Variants in SPIC observed in about 807,000 individuals in gnomAD.
The protein encoded by SPIC is Spi-C transcription factor, also known as transcription factor Spi-C.
Under a neutral mutation model 16.7 loss-of-function variants are expected in SPIC, and 9 were observed. The ratio of observed to expected loss-of-function variants is 0.54; its 90% CI spans 0.33 to 0.94. The LOEUF (loss-of-function observed/expected upper bound fraction) is 0.94, where lower values mean the gene tolerates loss of function less well. Among genes scored for constraint, SPIC ranks in the 40% least tolerant of loss-of-function variants. The probability of loss-of-function intolerance (pLI) is 0.03; values close to 1 mark genes in which losing one functional copy is unlikely to be tolerated. For synonymous variants in SPIC, 97 were observed against 102.9 expected (o/e 0.94, Z 0.35); for missense variants, 241 against 285.8 (o/e 0.84, Z 1.13).
chr12:101,481,810 C>T (rs1190350267), intron 4 of SPIC, among the ~76,000 whole-genome samples: 5 of 150,810 alleles, frequency 3.3e-5, no homozygotes. Context: ...CACTGTGCAC[C>T]CAGCCAATTT....
At chr12:101,477,710 A>G in intron 3 of SPIC, 59 bp downstream of exon 3, 6 of 1,414,002 alleles carry the variant, frequency 4.2e-6, no homozygotes, top group Non-Finnish European at 5.0e-6. Context: ...TTGGTCACAT[A>G]CACATATAAG....
At position 101,486,538 on chromosome 12, in the gene SPIC, G is replaced by T. The variant is rs1327335088; in HGVS notation, c.514G>T (p.Ala172Ser). The T allele has an allele frequency of 2.5e-6, 4 of 1,614,164 alleles. No individual in the cohort carries two copies. The highest frequency in any genetic ancestry group is 1.1e-5 in the South Asian group (1 of 91,078). The change falls in exon 6 of 6, where the codon GCA becomes TCA. Residue 172 changes from alanine (A) to serine (S), a missense_variant. Physicochemically the swap from Ala to Ser is moderately conservative, Grantham distance 99. Transcript: ENST00000551346. ...CATGACTTACCAGAAAATGGCCAGG[G>T]CACTCAGAAATTACGGAAGAAGTGG... is the stretch of plus-strand genomic sequence containing the variant. ...KTMTYQKMAR[A>S]LRNYGRSGEI... is the part of the protein sequence containing the mutation.
In SPIC at chr12:101,476,214, T is replaced by TGCTTTAACCCA. The variant is rs1872953665; in HGVS notation, c.-77-614_-77-613insGCTTTAACCCA. Among the ~76,000 whole-genome samples, 3 of 152,248 alleles carry TGCTTTAACCCA rather than the reference T, an allele frequency of 2.0e-5. No individual in the cohort carries two copies. The South Asian group carries it at 6.2e-4, about 31-fold the overall frequency. On this transcript the variant is annotated intron_variant, in intron 1 of 5. Coordinates refer to ENST00000551346, the MANE Select transcript of SPIC (RefSeq NM_152323.3). ...TCTATAGAACGTAGAGTTAAAAGCA[T>TGCTTTAACCCA]TTAATTGTGGGTCGGTGTGATAATT... is the stretch of plus-strand genomic sequence containing the variant.
chr12:101,482,823 A>G lies in SPIC; in HGVS notation c.242A>G (p.Asn81Ser), dbSNP rs748959009. ...NSAADFYFEG[N>S]IHQSLQNITE... ...GCTGCGGACTTCTATTTTGAAGGAA[A>G]TATTCATCAATCTCTGCAGAACATA... The change falls in exon 5 of 6, where the codon AAT (asparagine) becomes AGT (serine). Residue 81 changes from asparagine (N) to serine (S), a missense_variant. By Grantham distance (46) the Asn-to-Ser change is conservative. Transcript: ENST00000551346. The G allele has an allele frequency of 2.5e-6, 4 of 1,613,942 alleles. No individual in the cohort carries two copies. In the African/African-American group the frequency reaches 5.3e-5, roughly 22 times the overall value.
At chr12:101,481,206 A>T (rs1421610203) in intron 4 of SPIC, among the ~76,000 whole-genome samples, 4 of 151,066 alleles carry the variant, frequency 2.6e-5, no homozygotes, top group East Asian at 3.9e-4. Flanking sequence ...TTTTTTTTTA[A>T]GACAGGGTAT....
Position 101,486,872 on chromosome 12 carries a change from G to T in SPIC, c.*101G>T. 1 of 1,057,330 alleles carries T rather than the reference G, an allele frequency of 9.5e-7. No individual in the cohort carries two copies. The highest frequency in any genetic ancestry group is 2.1e-5 in the South Asian group (1 of 47,394). 65.5% of individuals were successfully genotyped at this position (1,057,330 alleles called of 1,614,324 possible). ...TTTTTCCTCCTCTGAAGAAATTTAG[G>T]ATTTTTCTCTTAAAGCAAATACTAA... On this transcript the variant is annotated 3_prime_UTR_variant, in exon 6 of 6. Transcript: ENST00000551346.
At chr12:101,481,452 T>C (rs1873194222) in intron 4 of SPIC, among the ~76,000 whole-genome samples, 2 of 151,964 alleles carry the variant, frequency 1.3e-5, no homozygotes, top group Admixed American at 1.3e-4. Context: ...CAAGCGATTC[T>C]CCTGCCTCGG....
intron 5 of SPIC, among the ~76,000 whole-genome samples, chr12:101,485,682 C>T (rs1873342142): frequency 6.6e-6 from 1 of 152,160 alleles, no homozygotes; most frequent in Admixed American, 6.5e-5. Flanking sequence ...TTGAATAAAG[C>T]CCCTTAAAAT....
chr12:101,484,953 C>T (rs930562309), intron 5 of SPIC, among the ~76,000 whole-genome samples: 1 of 152,022 alleles, frequency 6.6e-6, no homozygotes, highest in African/African-American at 2.4e-5. Context: ...TCCATTAAGA[C>T]CAATTTGATC....
chr12:101,486,585 G>A lies in SPIC; in HGVS notation c.561G>A (p.Arg187=). ...GRSGEITKIR[R]KLTYQFSEAI... is the part of the protein sequence containing the mutation. ...GTGGGGAAATTACCAAAATCCGGAGGAAGCTGACTTACCAGTTCAGTGAGG... is the reference window on the plus strand; with the variant it reads ...GTGGGGAAATTACCAAAATCCGGAGAAAGCTGACTTACCAGTTCAGTGAGG... The change falls in exon 6 of 6, where the codon AGG becomes AGA. Residue 187 remains arginine (R), a synonymous_variant. Transcript: ENST00000551346. 1 of 1,614,072 alleles carries A rather than the reference G, an allele frequency of 6.2e-7. No individual in the cohort carries two copies. The highest frequency in any genetic ancestry group is 8.5e-7 in the Non-Finnish European group (1 of 1,179,990).
intron 5 of SPIC, among the ~76,000 whole-genome samples, chr12:101,485,916 G>C (rs1391323821): frequency 6.6e-6 from 1 of 152,178 alleles, no homozygotes; most frequent in African/African-American, 2.4e-5. Flanking sequence ...TCAGGGGACT[G>C]CCTCAGCCTC....
chr12:101,480,278 T>C (rs1038745725), intron 4 of SPIC, among the ~76,000 whole-genome samples: 4 of 152,226 alleles, frequency 2.6e-5, no homozygotes, highest in Middle Eastern at 3.2e-3. Context: ...AGGATGTTAA[T>C]ATCAGTTGCT....
chr12:101,484,728 C>T (rs142022012), intron 5 of SPIC, among the ~76,000 whole-genome samples: 1,738 of 151,236 alleles, frequency 0.011, 34 homozygotes, highest in African/African-American at 0.037. Context: ...CCCAGCACTT[C>T]GGGAGACTGA....
At position 101,479,232 on chromosome 12, in the gene SPIC, GAAA is replaced by G. The variant is rs1873081065; in HGVS notation, c.98-349_98-347del. 2.8e-5 allele frequency among the ~76,000 whole-genome samples: 3 copies of G among 105,418 alleles called. No homozygotes were observed. The East Asian group carries it at 7.5e-4, about 26-fold the overall frequency. 69.2% of individuals were successfully genotyped at this position (105,418 alleles called of 152,430 possible). A position where few individuals can be genotyped will look rare whatever the true frequency, so the allele number is the denominator to read the frequency against. ...AGAAAGAAAGAAAGAAGGAAAGAAA[GAAA>G]GAAAGAAAAAGAAAGAAAGAAGGAA... On this transcript the variant is annotated intron_variant, in intron 3 of 5. Coordinates refer to ENST00000551346, the MANE Select transcript of SPIC (RefSeq NM_152323.3).
In SPIC at chr12:101,486,908, A is replaced by C; in HGVS notation, c.*137A>C. 1.4e-6 allele frequency: 1 copy of C among 692,988 alleles called. No individual in the cohort carries two copies. The highest frequency in any genetic ancestry group is 2.2e-6 in the Non-Finnish European group (1 of 449,970). The allele number at this position is 692,988 out of a possible 1,614,324, so 42.9% of individuals were successfully genotyped here. On this transcript the variant is annotated 3_prime_UTR_variant, in exon 6 of 6. Coordinates refer to ENST00000551346, the MANE Select transcript of SPIC (RefSeq NM_152323.3). ...TAAAGCAAATACTAAAGAGGAAAAA[A>C]AATTAACTTTATTGTTGCTTTTATC...
Position 101,479,621 on chromosome 12 carries a change from A to G in SPIC, c.137A>G (p.His46Arg). The G allele has an allele frequency of 6.2e-7, 1 of 1,613,630 alleles. No homozygotes were observed. Among genetic ancestry groups the G allele is most frequent in the Non-Finnish European group, 8.5e-7 (1 of 1,179,688 alleles). ...CTGGCTTTAATCAACCATCGTCCTCATGTCAAAGGAAATTCCAGCTGCTAT... is the reference window on the plus strand; with the variant it reads ...CTGGCTTTAATCAACCATCGTCCTCGTGTCAAAGGAAATTCCAGCTGCTAT... ...NYLALINHRP[H>R]VKGNSSCYGV... is the part of the protein sequence containing the mutation. Residue 46 changes from histidine to arginine, a missense_variant, in exon 4 of 6, where the codon CAT becomes CGT. By Grantham distance (29) the His-to-Arg change is conservative (BLOSUM62 0). Transcript: ENST00000551346.
intron 3 of SPIC, among the ~76,000 whole-genome samples, chr12:101,479,172 A>AAAAGAAAG (rs199501054): frequency 0.039 from 3,218 of 82,764 alleles, 144 homozygotes; most frequent in East Asian, 0.063. Flanking sequence ...GAAAGAAAGA[A>AAAAGAAAG]AAAGAAAGAA....
intron 1 of SPIC, among the ~76,000 whole-genome samples, 157 bp from the exon 2 acceptor site, chr12:101,476,671 A>T (rs1872965378): frequency 1.3e-5 from 2 of 152,072 alleles, no homozygotes; most frequent in Admixed American, 6.5e-5. Flanking sequence ...TTTGTAGAAA[A>T]TTTCGTAGAA....
chr12:101,486,239 G>A, intron 5 of SPIC, 105 bp from the exon 6 acceptor site: 1 of 1,133,230 alleles, frequency 8.8e-7, no homozygotes, highest in Non-Finnish European at 1.3e-6. Context: ...AGAAAAACCA[G>A]TCTCGATGCA....
Sources: gnomAD v4.1 joint callset for allele counts (sites outside exome capture counted in the v4.1 genomes callset) on GRCh38, gnomAD v4.1.1 for gene constraint, MANE v1.5 for transcripts, NCBI Gene and HGNC (gene_info 2026-07-23, HGNC 2026-07-21) for gene names.